Variants in ZFHX3 observed in about 807,000 individuals in gnomAD.
ZFHX3 encodes zinc finger homeobox 3.
In ZFHX3, 42 loss-of-function variants were observed where a neutral mutation model predicts 279.1. The observed-to-expected ratio is 0.15, with a 90% CI of 0.12 to 0.19. The LOEUF is 0.19. Ranked by LOEUF, ZFHX3 falls within the 10% of genes least tolerant of loss-of-function variation. The pLI, the probability that ZFHX3 is intolerant of heterozygous loss-of-function variation, is 1.00. For synonymous variants in ZFHX3, 2,293 were observed against 1,957.8 expected (o/e 1.17, Z -4.52); for missense variants, 4,981 against 4,754.0 (o/e 1.05, Z -1.40).
intron 4 of ZFHX3, among the ~76,000 whole-genome samples, chr16:73,296,877 A>ATGTTTTTTTTGTT (rs755308796): frequency 1.7e-5 from 2 of 116,066 alleles, no homozygotes; most frequent in Admixed American, 9.1e-5. Flanking sequence ...TGAAGCAGGA[A>ATGTTTTTTTTGTT]TTTTTTTTTT....
chr16:73,003,693 G>A (rs1279267047), intron 1 of ZFHX3, among the ~76,000 whole-genome samples: 4 of 152,116 alleles, frequency 2.6e-5, no homozygotes, highest in South Asian at 2.1e-4. Flanking sequence ...ACGAAACAGC[G>A]AGACTCCATC....
At position 73,882,925 on chromosome 16, in the gene ZFHX3, G is replaced by A. The variant is rs1384849089; in HGVS notation, c.-1608+8726C>T. ...CTTGTGGGTCATTTGTTCCCTTGAT[G>A]CAAACATACTTGTCCCTGCTGTCTA... is the stretch of plus-strand genomic sequence containing the variant. On this transcript the variant is annotated intron_variant, in intron 1 of 17. Transcript: ENST00000641206. Among the ~76,000 whole-genome samples, 7 of 152,014 alleles carry A rather than the reference G, an allele frequency of 4.6e-5. No individual in the cohort carries two copies. In the East Asian group the frequency reaches 1.4e-3, roughly 29 times the overall value.
chr16:73,256,248 C>T (rs750013732), intron 5 of ZFHX3, among the ~76,000 whole-genome samples: 1 of 152,080 alleles, frequency 6.6e-6, no homozygotes, highest in East Asian at 1.9e-4. Flanking sequence ...AATGAAGTAT[C>T]GAGTAGAGGA....
chr16:73,199,443 C>T (rs1379284550), intron 5 of ZFHX3, among the ~76,000 whole-genome samples: 1 of 152,152 alleles, frequency 6.6e-6, no homozygotes, highest in Non-Finnish European at 1.5e-5. Context: ...CCAAGGAAGC[C>T]GGTTTTATAG....
chr16:73,553,259 T>A (rs2020227962), intron 2 of ZFHX3, among the ~76,000 whole-genome samples: 1 of 152,086 alleles, frequency 6.6e-6, no homozygotes, highest in Non-Finnish European at 1.5e-5. Context: ...TAGTTTTGGA[T>A]TTCACCTTAA....
intron 3 of ZFHX3, chr16:73,421,063 A>G (rs923731881): frequency 6.6e-6 from 1 of 152,256 alleles, no homozygotes; most frequent in Non-Finnish European, 1.5e-5. Context: ...AACTAATTCA[A>G]TTAAATCATT....
intron 5 of ZFHX3, among the ~76,000 whole-genome samples, chr16:73,200,033 TC>T (rs910335936): frequency 6.6e-6 from 1 of 152,162 alleles, no homozygotes; most frequent in African/African-American, 2.4e-5. Flanking sequence ...TAATCAAGGT[TC>T]CACATGGAAA....
chr16:73,313,509 G>A (rs529855888), intron 4 of ZFHX3, among the ~76,000 whole-genome samples: 1 of 152,174 alleles, frequency 6.6e-6, no homozygotes, highest in African/African-American at 2.4e-5. Flanking sequence ...CTCTCTTATT[G>A]TCCCTATTTC....
intron 2 of ZFHX3, among the ~76,000 whole-genome samples, chr16:73,465,704 C>T (rs569486871): frequency 1.6e-4 from 24 of 152,282 alleles, no homozygotes; most frequent in African/African-American, 5.1e-4. Context: ...TACGTCTTCC[C>T]CCTACCTGGA....
rs1597220120 is a variant in ZFHX3 at position 72,787,073 on chromosome 16, C to G, written c.*91G>C. 61 of 941,108 alleles carry G rather than the reference C, an allele frequency of 6.5e-5. No individual in the cohort carries two copies. Among genetic ancestry groups the G allele is most frequent in the Middle Eastern group, 4.4e-4 (1 of 2,260 alleles). The allele number at this position is 941,108 out of a possible 1,614,324, so 58.3% of individuals were successfully genotyped here. A position where few individuals can be genotyped will look rare whatever the true frequency, so the allele number is the denominator to read the frequency against. ...TTTTTTTTTGTTTTTTGGTTAGAAG[C>G]TTTGGAATTGCAGTTAGTCTATTTT... On this transcript the variant is annotated 3_prime_UTR_variant, in exon 10 of 10. Transcript: ENST00000268489.
chr16:73,306,436 C>G (rs755354920), intron 4 of ZFHX3, among the ~76,000 whole-genome samples: 18 of 152,332 alleles, frequency 1.2e-4, no homozygotes, highest in Non-Finnish European at 2.4e-4. Flanking sequence ...TCTCCTGCCT[C>G]AGCCTCCCAT....
At chr16:73,632,042 C>T (rs76039673) in intron 2 of ZFHX3, among the ~76,000 whole-genome samples, 8,835 of 151,546 alleles carry the variant, frequency 0.058, 902 homozygotes, top group African/African-American at 0.2. Context: ...ACAAATCTAA[C>T]TAAAAAATGA....
rs182835879 is a variant in ZFHX3 at position 72,908,217 on chromosome 16, G to A, written c.3217-18255C>T. Reference sequence around the variant, plus strand: ...CTCCTCCCTGGGGATTGACACACAGGAGCCACGTCATTCTGCAGTGAGAAC... The same window carrying A: ...CTCCTCCCTGGGGATTGACACACAGAAGCCACGTCATTCTGCAGTGAGAAC... On this transcript the variant is annotated intron_variant, in intron 3 of 9. Coordinates refer to ENST00000268489, the MANE Select transcript of ZFHX3 (RefSeq NM_006885.4). 2.3e-3 allele frequency among the ~76,000 whole-genome samples: 348 copies of A among 152,258 alleles called. 1 individual carries two copies. The highest frequency in any genetic ancestry group is 3.6e-3 in the Non-Finnish European group (244 of 68,014).
intron 1 of ZFHX3, among the ~76,000 whole-genome samples, chr16:73,847,662 G>C (rs1961482543): frequency 6.6e-6 from 1 of 152,094 alleles, no homozygotes; most frequent in African/African-American, 2.4e-5. Context: ...TTGTAGAGTT[G>C]TTAGGAAGAT....
chr16:73,510,588 C>T (rs1194462601), intron 2 of ZFHX3, among the ~76,000 whole-genome samples: 2 of 152,200 alleles, frequency 1.3e-5, no homozygotes, highest in Non-Finnish European at 2.9e-5. Context: ...TACGTAGGGT[C>T]ACCATGTACT....
chr16:73,153,947 G>A (rs1362657115), intron 5 of ZFHX3, among the ~76,000 whole-genome samples: 2 of 151,696 alleles, frequency 1.3e-5, no homozygotes, highest in Non-Finnish European at 2.9e-5. Flanking sequence ...CTCATGATCC[G>A]CCCGCCCCAG....
intron 1 of ZFHX3, among the ~76,000 whole-genome samples, chr16:72,995,717 C>A (rs1950675340): frequency 6.6e-6 from 1 of 152,194 alleles, no homozygotes; most frequent in Non-Finnish European, 1.5e-5. Context: ...CACTCCCTAG[C>A]TGCAAGACCT....
intron 1 of ZFHX3, among the ~76,000 whole-genome samples, chr16:73,056,508 C>G (rs948128355): frequency 1.3e-4 from 20 of 152,042 alleles, no homozygotes; most frequent in African/African-American, 4.8e-4. Context: ...AGGATGTCTA[C>G]ACTTTGGGGG....
chr16:73,478,622 G>A (rs915115337), intron 2 of ZFHX3, among the ~76,000 whole-genome samples: 2 of 152,104 alleles, frequency 1.3e-5, no homozygotes, highest in African/African-American at 4.8e-5. Context: ...TCTTCAAAGT[G>A]TTTTCCTATG....
Sources: allele counts gnomAD v4.1 joint callset (sites outside exome capture counted in the v4.1 genomes callset), GRCh38; gene constraint gnomAD v4.1.1; transcripts MANE v1.5; gene names NCBI Gene and HGNC (gene_info 2026-07-23, HGNC 2026-07-21).